MID1: variants seen among roughly 807,000 people sequenced by gnomAD.
The protein encoded by MID1 is E3 ubiquitin-protein ligase Midline-1.
A neutral mutation model predicts 40.4 loss-of-function variants in MID1; 7 were observed. The observed-to-expected ratio is 0.17, with a 90% CI of 0.10 to 0.33. The LOEUF (loss-of-function observed/expected upper bound fraction) is 0.33. Among genes scored for constraint, MID1 ranks in the 10% least tolerant of loss-of-function variants. MID1 has a pLI of 1.00. For synonymous variants in MID1, 229 were observed against 221.2 expected, an observed-to-expected ratio of 1.04 and a Z score of -0.31; for missense variants, 367 against 558.5, an observed-to-expected ratio of 0.66 and a Z score of 3.46.
intron 6 of MID1, among the ~76,000 whole-genome samples, chrX:10,471,499 C>T (rs1455013061): frequency 1.8e-5 from 2 of 112,127 alleles, no homozygotes; most frequent in African/African-American, 6.5e-5. Flanking sequence ...AAGGGTTCTA[C>T]ATAACCTTTA....
Position 10,465,260 on chromosome X carries a change from C to CAT in MID1, c.1285+4435_1285+4436dup, listed in dbSNP as rs1556005747. ...ACACACACACACACACACACACACA[C>CAT]ATACATATATGAAAGAATAAAAGAA... On this transcript the variant is annotated intron_variant, in intron 7 of 9. Coordinates refer to ENST00000317552, the MANE Select transcript of MID1 (RefSeq NM_000381.4). Among the ~76,000 whole-genome samples the CAT allele has an allele frequency of 1.2e-3, 114 of 92,324 alleles. 2 individuals are homozygous for CAT. The highest frequency in any genetic ancestry group is 4.4e-3 in the African/African-American group (107 of 24,378). 80.2% of individuals were successfully genotyped at this position (92,324 alleles called of 115,157 possible). A position where few individuals can be genotyped will look rare whatever the true frequency, so the allele number is the denominator to read the frequency against.
At chrX:10,830,256 C>G (rs772847256) in intron 1 of MID1, among the ~76,000 whole-genome samples, 26 of 112,390 alleles carry the variant, frequency 2.3e-4, no homozygotes, top group South Asian at 1.1e-3. Flanking sequence ...GAACGATTAG[C>G]AAAAGAGTGA....
chrX:10,723,781 C>T (rs2043373220), intron 1 of MID1, among the ~76,000 whole-genome samples: 1 of 112,148 alleles, frequency 8.9e-6, no homozygotes, highest in African/African-American at 3.2e-5. Context: ...ACCTCGTGAT[C>T]CGCCTGCCTC....
At chrX:10,505,736 T>C in intron 3 of MID1, 6 of 753,745 alleles carry the variant, frequency 8.0e-6, no homozygotes, top group Non-Finnish European at 9.4e-6. Context: ...TTATTTCTAA[T>C]GGAAAGAGGA....
chrX:10,535,792 A>T (rs1260304751), intron 2 of MID1, among the ~76,000 whole-genome samples: 1 of 112,638 alleles, frequency 8.9e-6, no homozygotes, highest in East Asian at 2.8e-4. Context: ...CATTAAAAAA[A>T]TTCTGACGAC....
At chrX:10,524,928 A>G (rs1932802900) in intron 2 of MID1, among the ~76,000 whole-genome samples, 1 of 112,149 alleles carries the variant, frequency 8.9e-6, no homozygotes, top group Non-Finnish European at 1.9e-5. Context: ...AGAGAGGTTG[A>G]GAGGGCAAAA....
At position 10,567,357 on chromosome X, in the gene MID1, G is replaced by T. The variant is rs759223555; in HGVS notation, c.191C>A (p.Thr64Asn). ...CCCGTCTAGACCTCGCTGGCTGAGG[G>T]TGATGACATGCCGGCAGGTGGGGCA... is the stretch of plus-strand genomic sequence containing the variant. ...FQCPTCRHVI[T>N]LSQRGLDGLK... The change falls in exon 2 of 10, where the codon ACC (threonine) becomes AAC (asparagine). Residue 64 changes from threonine (T) to asparagine (N), a missense_variant. By Grantham distance (65) the Thr-to-Asn change is moderately conservative. Transcript: ENST00000317552. 7 of 1,197,023 alleles carry T rather than the reference G, an allele frequency of 5.8e-6. No homozygotes were observed. Among genetic ancestry groups the T allele is most frequent in the Non-Finnish European group, 7.9e-6 (7 of 887,425 alleles).
In MID1 at chrX:10,671,975, A is replaced by G. The variant is rs149088400; in HGVS notation, c.-186-51556T>C. ...CATGGTGGCTCACACCTATAACCCT[A>G]GCACTTTGGGAGGCTGTGGCAGGTG... On this transcript the variant is annotated intron_variant, in intron 1 of 10. Coordinates refer to the MID1 transcript ENST00000380785. 9.3e-3 allele frequency among the ~76,000 whole-genome samples: 1,040 copies of G among 111,938 alleles called. 6 individuals carry two copies. The highest frequency in any genetic ancestry group is 0.014 in the Non-Finnish European group (720 of 53,160).
chrX:10,641,273 C>T (rs1177347170), intron 1 of MID1, among the ~76,000 whole-genome samples: 1 of 110,914 alleles, frequency 9.0e-6, no homozygotes, highest in Non-Finnish European at 1.9e-5. Context: ...AGACTGCTAG[C>T]AAGATTAATA....
intron 1 of MID1, among the ~76,000 whole-genome samples, chrX:10,798,694 G>A (rs1264757202): frequency 9.0e-6 from 1 of 111,580 alleles, no homozygotes; most frequent in Non-Finnish European, 1.9e-5. Context: ...GAGAGGGAGT[G>A]GGAGGAGAAG....
chrX:10,537,524 AGAG>A lies in MID1; in HGVS notation c.661-14340_661-14338del, dbSNP rs1933306178. On this transcript the variant is annotated intron_variant, in intron 2 of 9. Transcript: ENST00000317552. ...ATTAAATGGTGATAGTAAATCACAA[AGAG>A]GACTTTTGGCCTTCCACAACTGTTA... 6.2e-5 allele frequency among the ~76,000 whole-genome samples: 7 copies of A among 112,324 alleles called. No homozygotes were observed. The Admixed American group carries it at 6.6e-4, about 11-fold the overall frequency.
chrX:10,763,196 G>A (rs1454447933), intron 1 of MID1, among the ~76,000 whole-genome samples: 1 of 107,890 alleles, frequency 9.3e-6, no homozygotes, highest in Non-Finnish European at 1.9e-5. Context: ...TAAGTTCTAG[G>A]GTACATGTGC....
intron 5 of MID1, among the ~76,000 whole-genome samples, chrX:10,478,086 G>A (rs1930111111): frequency 8.9e-6 from 1 of 112,080 alleles, no homozygotes; most frequent in African/African-American, 3.2e-5. Context: ...TGAACAATAG[G>A]TACTATTCAG....
chrX:10,508,594 G>A (rs775034797), intron 3 of MID1, among the ~76,000 whole-genome samples: 1 of 111,774 alleles, frequency 8.9e-6, no homozygotes, highest in East Asian at 2.8e-4. Flanking sequence ...CAAATATGAA[G>A]GAGAGACTGG....
intron 1 of MID1, among the ~76,000 whole-genome samples, chrX:10,596,851 G>A (rs1935421100): frequency 8.9e-6 from 1 of 111,827 alleles, no homozygotes; most frequent in Non-Finnish European, 1.9e-5. Context: ...TTAGTGGGTG[G>A]TATTTCTTTG....
intron 3 of MID1, among the ~76,000 whole-genome samples, chrX:10,507,372 C>T (rs1241949753): frequency 1.8e-5 from 2 of 111,977 alleles, no homozygotes; most frequent in Non-Finnish European, 3.8e-5. Context: ...AATTTTATTG[C>T]CAAGAACAAA....
chrX:10,590,825 C>CTTATCACTAAGG (rs1935279573), intron 1 of MID1, among the ~76,000 whole-genome samples: 1 of 111,809 alleles, frequency 8.9e-6, no homozygotes, highest in African/African-American at 3.3e-5. Flanking sequence ...AAGGTATGAC[C>CTTATCACTAAGG]TTATCCCTAA....
intron 2 of MID1, among the ~76,000 whole-genome samples, chrX:10,559,513 T>C (rs1934250173): frequency 8.9e-6 from 1 of 112,607 alleles, no homozygotes; most frequent in Non-Finnish European, 1.9e-5. Context: ...AAAAACTATA[T>C]AGGGTTACAC....
chrX:10,551,250 G>A (rs968388242), intron 2 of MID1, among the ~76,000 whole-genome samples: 12 of 111,975 alleles, frequency 1.1e-4, no homozygotes, highest in Non-Finnish European at 1.7e-4. Flanking sequence ...TTCAGTCCTC[G>A]GGTGGTAGAA....
Sources: allele counts gnomAD v4.1 joint callset (sites outside exome capture counted in the v4.1 genomes callset), GRCh38; gene constraint gnomAD v4.1.1; transcripts MANE v1.5; gene names NCBI Gene and HGNC (gene_info 2026-07-23, HGNC 2026-07-21).